Variants in SH3BGRL2 observed in about 807,000 individuals in gnomAD.
SH3BGRL2 encodes SH3 domain binding glutamate rich protein like 2, also known as SH3 domain-binding glutamic acid-rich-like protein 2.
SH3BGRL2 carries 21 observed loss-of-function variants against 14.8 expected under a neutral mutation model. The ratio of observed to expected loss-of-function variants is 1.42; its 90% confidence interval spans 1.01 to 2.05. The LOEUF (loss-of-function observed/expected upper bound fraction) is 2.05, where lower values mean the gene tolerates loss of function less well. Among genes scored for constraint, SH3BGRL2 ranks in the 30% most tolerant of loss-of-function variants. The probability of loss-of-function intolerance (pLI) is 0.00; values close to 1 mark genes in which losing one functional copy is unlikely to be tolerated. For synonymous variants in SH3BGRL2, 50 were observed against 47.8 expected, an observed-to-expected ratio of 1.05 and a Z score of -0.19; for missense variants, 147 against 130.8, an observed-to-expected ratio of 1.12 and a Z score of -0.61.
the SH3BGRL2 span, among the ~76,000 whole-genome samples, chr6:79,563,363 C>G: frequency 6.6e-6 from 1 of 152,006 alleles, no homozygotes; most frequent in Non-Finnish European, 1.5e-5. Flanking sequence ...CCCCCCGCCT[C>G]GGCCTCCTGA....
At chr6:79,543,137 T>C in the SH3BGRL2 span, among the ~76,000 whole-genome samples, 1,500 of 152,340 alleles carry the variant, frequency 9.8e-3, 34 homozygotes, top group African/African-American at 0.035. Context: ...CACTTAATTT[T>C]AGATTTTCTA....
At chr6:79,625,469 A>T in the SH3BGRL2 span, among the ~76,000 whole-genome samples, 1 of 152,130 alleles carries the variant, frequency 6.6e-6, no homozygotes, top group Non-Finnish European at 1.5e-5. Context: ...TCATTTCACA[A>T]ATATTCTTTT....
At chr6:79,647,957 C>T (rs1449190740) in intron 1 of SH3BGRL2, among the ~76,000 whole-genome samples, 1 of 151,762 alleles carries the variant, frequency 6.6e-6, no homozygotes, top group African/African-American at 2.4e-5. Context: ...GAGAGCAAGA[C>T]AAGTGGCTAC....
Position 79,673,798 on chromosome 6 carries a change from G to T in SH3BGRL2, c.230G>T (p.Gly77Val), listed in dbSNP as rs769925421. 7.5e-5 allele frequency: 121 copies of T among 1,613,074 alleles called. No homozygotes were observed. The highest frequency in any genetic ancestry group is 1.0e-4 in the Non-Finnish European group (118 of 1,179,618). The change falls in exon 2 of 4, where the codon GGA becomes GTA. Residue 77 changes from glycine (G) to valine (V), a missense_variant and splice_region_variant. By Grantham distance (109) the Gly-to-Val change is moderately radical. Transcript: ENST00000369838. ...ATATTTAATGGCGACCGATACTGTG[G>T]AGTAAGTGGCTAGACTGTTATCATG... is the stretch of plus-strand genomic sequence containing the variant. ...PQIFNGDRYCGDYDSFFESKE... is the reference protein window; with the variant it reads ...PQIFNGDRYCVDYDSFFESKE...
chr6:79,667,172 A>G (rs1275527873), intron 1 of SH3BGRL2, among the ~76,000 whole-genome samples: 1 of 152,252 alleles, frequency 6.6e-6, no homozygotes, highest in East Asian at 1.9e-4. Context: ...AAGGACTCTG[A>G]CACTGCTTCA....
the SH3BGRL2 span, among the ~76,000 whole-genome samples, chr6:79,594,031 A>AG: frequency 6.6e-6 from 1 of 151,792 alleles, no homozygotes; most frequent in Non-Finnish European, 1.5e-5. Flanking sequence ...GTCTCAAAAA[A>AG]AAAAAAAACC....
chr6:79,589,659 G>A, the SH3BGRL2 span, among the ~76,000 whole-genome samples: 66 of 152,206 alleles, frequency 4.3e-4, no homozygotes, highest in Middle Eastern at 6.8e-3. Flanking sequence ...AAATGGCCAC[G>A]CTAGGTTCAA....
intron 2 of SH3BGRL2, among the ~76,000 whole-genome samples, chr6:79,677,566 T>C (rs1393971600): frequency 6.6e-6 from 1 of 152,166 alleles, no homozygotes; most frequent in Non-Finnish European, 1.5e-5. Flanking sequence ...ACCATAGCTG[T>C]GGCTGGTGTC....
intron 2 of SH3BGRL2, among the ~76,000 whole-genome samples, chr6:79,683,515 G>A (rs1320867274): frequency 1.3e-5 from 2 of 151,016 alleles, no homozygotes; most frequent in Admixed American, 1.3e-4. Context: ...CTGCAGTGTA[G>A]TGGCACAGTC....
At chr6:79,685,788 C>T (rs9361547) in intron 2 of SH3BGRL2, among the ~76,000 whole-genome samples, 12,721 of 152,154 alleles carry the variant, frequency 0.084, 827 homozygotes, top group East Asian at 0.28. Flanking sequence ...ATCCCTGTGG[C>T]TTAAGGGAGA....
rs1770429889 is a variant in SH3BGRL2, at chr6:79,700,373, C to G, written c.*864C>G. The G allele has an allele frequency of 6.6e-6, 1 of 152,010 alleles. No homozygotes were observed. The highest frequency in any genetic ancestry group is 2.4e-5 in the African/African-American group (1 of 41,394). The allele number at this position is 152,010 out of a possible 1,614,324, so 9.4% of individuals were successfully genotyped here. A position where few individuals can be genotyped will look rare whatever the true frequency, so the allele number is the denominator to read the frequency against. ...TATATAAGTTCATATATTTTTTAAT[C>G]CAGCTCCCCTAACAGACAGCTGCTG... On this transcript the variant is annotated 3_prime_UTR_variant, in exon 4 of 4. Coordinates refer to ENST00000369838, the MANE Select transcript of SH3BGRL2 (RefSeq NM_031469.4).
the SH3BGRL2 span, among the ~76,000 whole-genome samples, chr6:79,592,140 A>T: frequency 6.6e-6 from 1 of 152,220 alleles, no homozygotes; most frequent in African/African-American, 2.4e-5. Flanking sequence ...ATATCCATTA[A>T]TATGAACACA....
At chr6:79,639,015 T>C (rs1004835548) in intron 1 of SH3BGRL2, among the ~76,000 whole-genome samples, 1 of 152,198 alleles carries the variant, frequency 6.6e-6, no homozygotes, top group Non-Finnish European at 1.5e-5. Flanking sequence ...TTTCTGTTTT[T>C]CAATTTTTAA....
chr6:79,539,817 G>C, the SH3BGRL2 span, among the ~76,000 whole-genome samples: 3 of 152,148 alleles, frequency 2.0e-5, no homozygotes, highest in African/African-American at 7.2e-5. Context: ...TTTGTAAAGT[G>C]GGGGGACATA....
chr6:79,648,255 C>CATATATATATATATATAATAT (rs1554202204), intron 1 of SH3BGRL2, among the ~76,000 whole-genome samples: 1 of 62,472 alleles, frequency 1.6e-5, no homozygotes, highest in Non-Finnish European at 2.9e-5. Flanking sequence ...ATTCTTTTGG[C>CATATATATATATATATAATAT]ATATATATAT....
At chr6:79,620,928 T>A in the SH3BGRL2 span, among the ~76,000 whole-genome samples, 3 of 152,126 alleles carry the variant, frequency 2.0e-5, no homozygotes, top group African/African-American at 7.2e-5. Flanking sequence ...TTTTAAAAGT[T>A]TTTTTAAGTT....
At chr6:79,539,046 G>T in the SH3BGRL2 span, among the ~76,000 whole-genome samples, 1 of 151,954 alleles carries the variant, frequency 6.6e-6, no homozygotes, top group Admixed American at 6.6e-5. Context: ...TATTTAAGAC[G>T]CTGGGAGAAT....
At chr6:79,551,152 G>C in the SH3BGRL2 span, among the ~76,000 whole-genome samples, 1 of 152,290 alleles carries the variant, frequency 6.6e-6, no homozygotes, top group South Asian at 2.1e-4. Flanking sequence ...AGTTTTGAAG[G>C]ACATTTTGTT....
At chr6:79,666,724 A>G (rs1178879084) in intron 1 of SH3BGRL2, among the ~76,000 whole-genome samples, 1 of 152,180 alleles carries the variant, frequency 6.6e-6, no homozygotes, top group Admixed American at 6.5e-5. Flanking sequence ...GTTTTAAAAA[A>G]AACTTTTCCC....
Sources: allele counts gnomAD v4.1 joint callset (sites outside exome capture counted in the v4.1 genomes callset), GRCh38; gene constraint gnomAD v4.1.1; transcripts MANE v1.5; gene names NCBI Gene and HGNC (gene_info 2026-07-23, HGNC 2026-07-21).